The following ELP3 variants were observed in gnomAD, a reference collection of about 807,000 sequenced individuals.
ELP3 encodes the protein elongator complex protein 3.
A neutral mutation model predicts 74.9 loss-of-function variants in ELP3; 56 were observed. The observed-to-expected ratio is 0.75, with a 90% CI of 0.60 to 0.93. The LOEUF (loss-of-function observed/expected upper bound fraction) is 0.93. Ranked by LOEUF, ELP3 falls within the 40% of genes least tolerant of loss-of-function variation. The probability of loss-of-function intolerance (pLI) is 0.00; values close to 1 mark genes in which losing one functional copy is unlikely to be tolerated. For missense variants in ELP3, 573 were observed against 686.5 expected, an observed-to-expected ratio of 0.83 and a Z score of 1.85; for synonymous variants, 222 against 239.8, an observed-to-expected ratio of 0.93 and a Z score of 0.68.
At position 28,147,324 on chromosome 8, in the gene ELP3, C is replaced by T. The variant is rs1368714430; in HGVS notation, c.1101-8618C>T. On this transcript the variant is annotated intron_variant, in intron 10 of 14. Transcript: ENST00000256398. This position sits in a 1 kb window ranked among gnomAD's most constrained non-coding sequence, Gnocchi z 4.5. ...AGTGCACCTGAAGCGTGGCCAGCAG[C>T]GTGCCTGGCACCTGACTGATGCAGA... Among the ~76,000 whole-genome samples the T allele has an allele frequency of 1.3e-5, 2 of 152,220 alleles. No homozygotes were observed. Among genetic ancestry groups the T allele is most frequent in the South Asian group, 2.1e-4 (1 of 4,830 alleles).
At chr8:28,172,631 C>T (rs923921253) in intron 14 of ELP3, among the ~76,000 whole-genome samples, 1 of 151,900 alleles carries the variant, frequency 6.6e-6, no homozygotes, top group African/African-American at 2.4e-5. Flanking sequence ...AATTTGGGTG[C>T]CTTTCATTTC....
At chr8:28,185,177 G>C (rs1157420851) in intron 14 of ELP3, among the ~76,000 whole-genome samples, 2 of 152,136 alleles carry the variant, frequency 1.3e-5, no homozygotes, top group Non-Finnish European at 2.9e-5. Context: ...TGAAAGATTT[G>C]GGGCAGTTTT....
chr8:28,148,590 T>C (rs1813521377), intron 10 of ELP3, among the ~76,000 whole-genome samples: 1 of 152,214 alleles, frequency 6.6e-6, no homozygotes, highest in Non-Finnish European at 1.5e-5. Context: ...ATACTCTTTA[T>C]CAAGTTGAGG....
chr8:28,134,685 G>T (rs897454206), intron 9 of ELP3, among the ~76,000 whole-genome samples: 2 of 152,140 alleles, frequency 1.3e-5, no homozygotes, highest in African/African-American at 2.4e-5. Flanking sequence ...TCAAAAAAGC[G>T]AAATTTAAAA....
chr8:28,187,623 C>A (rs1026114460), intron 14 of ELP3, among the ~76,000 whole-genome samples: 3 of 152,206 alleles, frequency 2.0e-5, no homozygotes, highest in African/African-American at 7.2e-5. Flanking sequence ...CCTGTCCCCC[C>A]CATGTAGCCT....
In ELP3 at chr8:28,097,238, G is replaced by A. The variant is rs747637581; in HGVS notation, c.39G>A (p.Glu13=). 6.2e-7 allele frequency: 1 copy of A among 1,612,394 alleles called. No homozygotes were observed. The highest frequency in any genetic ancestry group is 1.1e-5 in the South Asian group (1 of 90,456). ...TTCCAGGAGATCTCAGCCCTGCTGA[G>A]CTGATGATGCTGACTATAGGAGATG... ...QKRKGDLSPA[E]LMMLTIGDVI... The change falls in exon 2 of 15, where the codon GAG becomes GAA. Residue 13 remains glutamate, a synonymous_variant. Transcript: ENST00000256398.
chr8:28,166,904 G>T (rs1280717266), intron 14 of ELP3, among the ~76,000 whole-genome samples: 1 of 152,178 alleles, frequency 6.6e-6, no homozygotes, highest in Non-Finnish European at 1.5e-5. Flanking sequence ...AAGATGACCA[G>T]CTATTCCCCA....
At chr8:28,188,102 G>A (rs1249815921) in intron 14 of ELP3, among the ~76,000 whole-genome samples, 7 of 152,266 alleles carry the variant, frequency 4.6e-5, no homozygotes, top group African/African-American at 7.2e-5. Flanking sequence ...AGGGAAGGAC[G>A]GAGGGAGTGC....
At chr8:28,179,362 G>A (rs993224346) in intron 14 of ELP3, among the ~76,000 whole-genome samples, 1 of 152,152 alleles carries the variant, frequency 6.6e-6, no homozygotes, top group Admixed American at 6.5e-5. Context: ...TGCACACATT[G>A]TTTTCTTTAT....
At chr8:28,160,928 C>T in intron 13 of ELP3, among the ~76,000 whole-genome samples, 1 of 152,184 alleles carries the variant, frequency 6.6e-6, no homozygotes, top group South Asian at 2.1e-4. Context: ...CTCCTGACCT[C>T]AGATGATCCA....
rs33948469 is a variant in ELP3 at position 28,108,457 on chromosome 8, CT to C, written c.393+499del. On this transcript the variant is annotated intron_variant, in intron 5 of 14. Transcript: ENST00000256398. ...TCTTCTGGAATTTACATTTTTTTTT[CT>C]TTTTTTTTTTTTTTTTTGAGATGGA... 1.4e-3 allele frequency among the ~76,000 whole-genome samples: 163 copies of C among 117,544 alleles called. 1 individual carries two copies. The highest frequency in any genetic ancestry group is 4.0e-3 in the African/African-American group (122 of 30,226). 77.1% of individuals were successfully genotyped at this position (117,544 alleles called of 152,430 possible). A position where few individuals can be genotyped will look rare whatever the true frequency, so the allele number is the denominator to read the frequency against.
At chr8:28,101,164 T>C (rs1250007411) in intron 3 of ELP3, among the ~76,000 whole-genome samples, 1 of 152,022 alleles carries the variant, frequency 6.6e-6, no homozygotes, top group Admixed American at 6.6e-5. Context: ...ACGCCTGTAA[T>C]CCCAGCACTT....
At chr8:28,090,255 A>G (rs1025446137), upstream of ELP3, 7 of 345,814 alleles carry the variant, frequency 2.0e-5, no homozygotes, top group Non-Finnish European at 2.8e-5. Flanking sequence ...ACCTATCCTC[A>G]TCTGTGCAAG....
intron 1 of ELP3, 35 bp from the exon 2 acceptor site, chr8:28,097,184 A>G (rs1180007966): frequency 1.4e-6 from 2 of 1,423,656 alleles, no homozygotes; most frequent in Admixed American, 1.9e-5. Flanking sequence ...ATTGAATGAT[A>G]CGATTTTTGA....
At chr8:28,141,080 C>A (rs960641230) in intron 10 of ELP3, among the ~76,000 whole-genome samples, 5 of 152,078 alleles carry the variant, frequency 3.3e-5, no homozygotes, top group African/African-American at 4.8e-5. Flanking sequence ...CTACTTATTG[C>A]CTGCTAACAG....
At chr8:28,140,604 A>G (rs1462711330) in intron 10 of ELP3, among the ~76,000 whole-genome samples, 1 of 152,174 alleles carries the variant, frequency 6.6e-6, no homozygotes, top group East Asian at 1.9e-4. Flanking sequence ...CATTGTCACC[A>G]GCTGAGGTCA....
chr8:28,184,204 T>C (rs1815141095), intron 14 of ELP3, among the ~76,000 whole-genome samples: 1 of 152,270 alleles, frequency 6.6e-6, no homozygotes, highest in South Asian at 2.1e-4. Flanking sequence ...TTTAGCTCTT[T>C]AGGTGAGCAG....
intron 14 of ELP3, among the ~76,000 whole-genome samples, chr8:28,182,083 T>C (rs1160462422): frequency 6.6e-6 from 1 of 152,224 alleles, no homozygotes; most frequent in Admixed American, 6.5e-5. Flanking sequence ...TTATTTTTAG[T>C]GTCCAAAGGC....
At position 28,160,475 on chromosome 8, in the gene ELP3, C is replaced by T. The variant is rs1262431755; in HGVS notation, c.1485+19C>T. The T allele has an allele frequency of 6.2e-7, 1 of 1,601,742 alleles. No individual in the cohort carries two copies. The highest frequency in any genetic ancestry group is 8.5e-7 in the Non-Finnish European group (1 of 1,172,528). On this transcript the variant is annotated intron_variant, in intron 13 of 14. Transcript: ENST00000256398. ...GCATCAGGTATCCTGTATTCCATTT[C>T]TATTTGACTTCTAAGAAACTGCCTA...
Sources: allele counts gnomAD v4.1 joint callset (sites outside exome capture counted in the v4.1 genomes callset), GRCh38; gene constraint gnomAD v4.1.1; non-coding constraint Gnocchi (gnomAD v3.1); transcripts MANE v1.5; gene names NCBI Gene and HGNC (gene_info 2026-07-23, HGNC 2026-07-21).